The following PGBD5 variants were observed in gnomAD, a reference collection of about 807,000 sequenced individuals.
PGBD5 encodes the protein piggyBac transposable element-derived protein 5.
Under a neutral mutation model 47.9 loss-of-function variants are expected in PGBD5, and 14 were observed. The observed-to-expected ratio is 0.29, with a 90% CI of 0.19 to 0.46. The LOEUF (loss-of-function observed/expected upper bound fraction) is 0.46, where lower values mean the gene tolerates loss of function less well. PGBD5 is among the 20% of genes least tolerant of loss of function. The probability of loss-of-function intolerance (pLI) is 1.00; values close to 1 mark genes in which losing one functional copy is unlikely to be tolerated. For synonymous variants in PGBD5, 316 were observed against 306.3 expected, an observed-to-expected ratio of 1.03 and a Z score of -0.33; for missense variants, 635 against 716.0, an observed-to-expected ratio of 0.89 and a Z score of 1.29.
intron 1 of PGBD5, among the ~76,000 whole-genome samples, chr1:230,396,592 C>T (rs1029280428): frequency 8.0e-6 from 1 of 124,592 alleles, no homozygotes; most frequent in African/African-American, 3.3e-5. Context: ...CTGGAATGGA[C>T]CACAAGCTCC....
Position 230,376,227 on chromosome 1 carries a change from G to C in PGBD5, c.332-18906C>G, listed in dbSNP as rs60074603. Among the ~76,000 whole-genome samples, 1,159 of 152,236 alleles carry C rather than the reference G, an allele frequency of 7.6e-3. 17 individuals are homozygous for C. The highest frequency in any genetic ancestry group is 0.026 in the African/African-American group (1,084 of 41,538). On this transcript the variant is annotated intron_variant, in intron 1 of 6. Transcript: ENST00000391860. ...GTAATTTATTAGCACACTTCACTAA[G>C]AAGAGGACTCCAAGCTGGCAGGAGG...
intron 1 of PGBD5, among the ~76,000 whole-genome samples, chr1:230,398,596 C>T (rs1393530796): frequency 1.3e-5 from 2 of 152,192 alleles, no homozygotes; most frequent in Non-Finnish European, 2.9e-5. Flanking sequence ...TTCAGCAGAA[C>T]TAGACAGAAC....
At chr1:230,340,870 G>T (rs1571830553) in intron 3 of PGBD5, among the ~76,000 whole-genome samples, 1 of 152,176 alleles carries the variant, frequency 6.6e-6, no homozygotes, top group Non-Finnish European at 1.5e-5. Flanking sequence ...AAATTACTCA[G>T]CCTCGTGTCC....
chr1:230,375,003 G>C (rs142981627), intron 1 of PGBD5, among the ~76,000 whole-genome samples: 1 of 152,174 alleles, frequency 6.6e-6, no homozygotes, highest in African/African-American at 2.4e-5. Context: ...CCCCGCTCAG[G>C]GGGTGAAATC....
rs976968441 is a variant in PGBD5 at position 230,323,198 on chromosome 1, A to G, written c.*227T>C. 1.8e-6 allele frequency: 1 copy of G among 556,546 alleles called. No homozygotes were observed. Among genetic ancestry groups the G allele is most frequent in the Non-Finnish European group, 3.2e-6 (1 of 315,238 alleles). 34.5% of individuals were successfully genotyped at this position (556,546 alleles called of 1,614,324 possible). On this transcript the variant is annotated 3_prime_UTR_variant, in exon 7 of 7. Transcript: ENST00000391860. The surrounding 1 kb of genome is among the most constrained non-coding windows in gnomAD (Gnocchi z 4.1). ...GAACGTGGGTGTAAGTGCTCATCAC[A>G]CCGGCGGCACTGTTTCTCGAGGGAG...
chr1:230,316,056 A>G lies in PGBD5; in HGVS notation c.*7369T>C, dbSNP rs201846759. 42 of 124,732 alleles carry G rather than the reference A, an allele frequency of 3.4e-4. No homozygotes were observed. The highest frequency in any genetic ancestry group is 1.1e-3 in the East Asian group (3 of 2,784). 7.7% of individuals were successfully genotyped at this position (124,732 alleles called of 1,614,324 possible). ...TACATAAGTATATGTGTACACATAT[A>G]TGTATGTGTATACATACATGTTTAT... is the stretch of plus-strand genomic sequence containing the variant. On this transcript the variant is annotated 3_prime_UTR_variant, in exon 7 of 7. Transcript: ENST00000391860.
At chr1:230,353,699 G>T (rs1667593290) in intron 2 of PGBD5, among the ~76,000 whole-genome samples, 2 of 152,184 alleles carry the variant, frequency 1.3e-5, no homozygotes, top group African/African-American at 4.8e-5. Flanking sequence ...TGAGGGCAAT[G>T]GGAAGAGAAC....
intron 1 of PGBD5, among the ~76,000 whole-genome samples, chr1:230,370,236 G>A (rs539627901): frequency 2.0e-5 from 3 of 152,178 alleles, no homozygotes; most frequent in Non-Finnish European, 4.4e-5. Flanking sequence ...TGGTCCCATC[G>A]TGGCCTCCAG....
chr1:230,354,378 C>T (rs966587245), intron 2 of PGBD5, among the ~76,000 whole-genome samples: 8 of 152,076 alleles, frequency 5.3e-5, no homozygotes, highest in Admixed American at 2.0e-4. Flanking sequence ...AGGTCAGCTT[C>T]TTATAAATTA....
intron 1 of PGBD5, among the ~76,000 whole-genome samples, chr1:230,395,698 T>C (rs369962219): frequency 2.8e-4 from 1 of 3,514 alleles, no homozygotes; most frequent in Non-Finnish European, 4.6e-4. Context: ...GCTCCTCTCA[T>C]TCCCACCCTC....
rs183770792 is a variant in PGBD5, at chr1:230,323,896, G to A, written c.1380-276C>T. On this transcript the variant is annotated intron_variant, in intron 6 of 6. Coordinates refer to ENST00000391860, the MANE Select transcript of PGBD5 (RefSeq NM_001258311.2). This position sits in a 1 kb window ranked among gnomAD's most constrained non-coding sequence, Gnocchi z 4.1. ...CAGGTGCCAGGTGTGCTGGGGTGGC[G>A]CACAGCCCCGGAGTGGACAGGCGCC... 2.6e-3 allele frequency among the ~76,000 whole-genome samples: 396 copies of A among 152,292 alleles called. 4 individuals carry two copies. The highest frequency in any genetic ancestry group is 8.4e-3 in the African/African-American group (349 of 41,564).
intron 3 of PGBD5, among the ~76,000 whole-genome samples, chr1:230,348,517 G>T (rs1014367966): frequency 6.6e-6 from 1 of 152,222 alleles, no homozygotes; most frequent in Middle Eastern, 3.2e-3. Flanking sequence ...ACAAGGCTGT[G>T]GGGAGGATCA....
chr1:230,368,867 T>C (rs552206149), intron 1 of PGBD5, among the ~76,000 whole-genome samples: 3 of 152,222 alleles, frequency 2.0e-5, no homozygotes, highest in African/African-American at 4.8e-5. Flanking sequence ...ATCCCCAAGA[T>C]CTTGGAATGT....
rs140486792 is a variant in PGBD5, at chr1:230,360,273, T to C, written c.332-2952A>G. Among the ~76,000 whole-genome samples, 906 of 152,134 alleles carry C rather than the reference T, an allele frequency of 6.0e-3. 8 individuals are homozygous for C. The highest frequency in any genetic ancestry group is 0.014 in the Middle Eastern group (4 of 294). On this transcript the variant is annotated intron_variant, in intron 1 of 6. Coordinates refer to ENST00000391860, the MANE Select transcript of PGBD5 (RefSeq NM_001258311.2). The stretch of plus-strand genomic sequence containing the variant: ...AGCAGCCAGCTCCCTCTTAACTGTT[T>C]GGTTTTGATTTACAAGCATTCTCTA...
At chr1:230,392,651 A>G (rs1034070722) in intron 1 of PGBD5, among the ~76,000 whole-genome samples, 2 of 152,038 alleles carry the variant, frequency 1.3e-5, no homozygotes, top group Non-Finnish European at 2.9e-5. Context: ...GACTGTCAGG[A>G]CTTCCCACCA....
intron 1 of PGBD5, among the ~76,000 whole-genome samples, chr1:230,417,191 G>C (rs1416989231): frequency 6.6e-6 from 1 of 152,110 alleles, no homozygotes; most frequent in African/African-American, 2.4e-5. Context: ...AGGGATTCCA[G>C]TATTCTCCCA....
In PGBD5 at chr1:230,319,734, T is replaced by C. The variant is rs1460580185; in HGVS notation, c.*3691A>G. On this transcript the variant is annotated 3_prime_UTR_variant, in exon 7 of 7. Coordinates refer to ENST00000391860, the MANE Select transcript of PGBD5 (RefSeq NM_001258311.2). ...CTGATTTAGTCAGTACTGGATGTGTTTGCTCAGAATGACCCAGCCACCAAG... is the reference window on the plus strand; with the variant it reads ...CTGATTTAGTCAGTACTGGATGTGTCTGCTCAGAATGACCCAGCCACCAAG... The C allele has an allele frequency of 6.6e-6, 1 of 152,232 alleles. No homozygotes were observed. The highest frequency in any genetic ancestry group is 1.5e-5 in the Non-Finnish European group (1 of 68,068). The allele number at this position is 152,232 out of a possible 1,614,324, so 9.4% of individuals were successfully genotyped here. A position where few individuals can be genotyped will look rare whatever the true frequency, so the allele number is the denominator to read the frequency against.
chr1:230,393,245 G>C (rs1656834692), intron 1 of PGBD5, among the ~76,000 whole-genome samples: 1 of 141,236 alleles, frequency 7.1e-6, no homozygotes, highest in Non-Finnish European at 1.5e-5. Context: ...GGAAGGAAGG[G>C]AGAAGAGCAG....
chr1:230,407,751 A>G (rs1156606618), intron 1 of PGBD5, among the ~76,000 whole-genome samples: 1 of 152,238 alleles, frequency 6.6e-6, no homozygotes, highest in African/African-American at 2.4e-5. Context: ...ATATTGCTCC[A>G]TTGACACACT....
Sources: allele counts gnomAD v4.1 joint callset (sites outside exome capture counted in the v4.1 genomes callset), GRCh38; gene constraint gnomAD v4.1.1; non-coding constraint Gnocchi (gnomAD v3.1); transcripts MANE v1.5; gene names NCBI Gene and HGNC (gene_info 2026-07-23, HGNC 2026-07-21).